Variants in COMMD10 observed in about 807,000 individuals in gnomAD.
The protein encoded by COMMD10 is COMM domain-containing protein 10.
In COMMD10, 33 loss-of-function variants were observed where a neutral mutation model predicts 28.9. That is an observed-to-expected ratio of 1.14 (90% CI 0.87 to 1.53). The LOEUF (loss-of-function observed/expected upper bound fraction) is 1.53. Ranked by LOEUF, COMMD10 falls within the 40% of genes most tolerant of loss-of-function variation. The probability of loss-of-function intolerance (pLI) is 0.00; values close to 1 mark genes in which losing one functional copy is unlikely to be tolerated. For missense variants in COMMD10, 310 were observed against 233.4 expected, an observed-to-expected ratio of 1.33 and a Z score of -2.14; for synonymous variants, 110 against 81.7, an observed-to-expected ratio of 1.35 and a Z score of -1.87.
At chr5:116,275,709 CAAAGT>C (rs1750891501) in intron 5 of COMMD10, among the ~76,000 whole-genome samples, 1 of 151,450 alleles carries the variant, frequency 6.6e-6, no homozygotes, top group South Asian at 2.1e-4. Context: ...AATTTGCACT[CAAAGT>C]AAGTATATAA....
intron 5 of COMMD10, among the ~76,000 whole-genome samples, chr5:116,172,903 A>G (rs944329105): frequency 2.0e-5 from 3 of 152,174 alleles, no homozygotes; most frequent in South Asian, 4.1e-4. Context: ...AGAATTGACA[A>G]TATGAGAGGA....
intron 4 of COMMD10, among the ~76,000 whole-genome samples, chr5:116,125,656 G>T (rs1013387704): frequency 6.6e-6 from 1 of 152,094 alleles, no homozygotes; most frequent in African/African-American, 2.4e-5. Flanking sequence ...TTCCAACTTG[G>T]TTCCATTCTC....
At chr5:116,227,943 T>C (rs1749439389) in intron 5 of COMMD10, among the ~76,000 whole-genome samples, 1 of 152,006 alleles carries the variant, frequency 6.6e-6, no homozygotes, top group East Asian at 1.9e-4. Context: ...CCAAACTAGG[T>C]CATGTTATAA....
At chr5:116,155,997 A>G (rs201174234) in intron 5 of COMMD10, among the ~76,000 whole-genome samples, 1 of 152,054 alleles carries the variant, frequency 6.6e-6, no homozygotes, top group East Asian at 1.9e-4. Flanking sequence ...CTAGCTGAGG[A>G]TTACTATTTG....
chr5:116,153,202 T>C (rs1014285840), intron 5 of COMMD10, among the ~76,000 whole-genome samples: 3 of 152,092 alleles, frequency 2.0e-5, no homozygotes, highest in Non-Finnish European at 4.4e-5. Context: ...CAGGATAAGT[T>C]TAAAAATACA....
chr5:116,225,848 A>G (rs1749382101), intron 5 of COMMD10, among the ~76,000 whole-genome samples: 2 of 151,596 alleles, frequency 1.3e-5, no homozygotes, highest in African/African-American at 4.9e-5. Flanking sequence ...ACTAGGCTTC[A>G]TAGGCCTCCC....
chr5:116,089,363 C>G (rs1750223436), intron 2 of COMMD10, among the ~76,000 whole-genome samples: 1 of 152,176 alleles, frequency 6.6e-6, no homozygotes, highest in Non-Finnish European at 1.5e-5. Context: ...CCTTATTACA[C>G]GAAACCTCAG....
At chr5:116,148,344 CCT>C (rs1439291302) in intron 5 of COMMD10, among the ~76,000 whole-genome samples, 1 of 151,804 alleles carries the variant, frequency 6.6e-6, no homozygotes, top group Admixed American at 6.6e-5. Context: ...TCCCTTTCTT[CCT>C]CTCTTTCTCT....
At chr5:116,155,478 C>A (rs1412432237) in intron 5 of COMMD10, among the ~76,000 whole-genome samples, 1 of 151,948 alleles carries the variant, frequency 6.6e-6, no homozygotes, top group African/African-American at 2.4e-5. Flanking sequence ...ATAAAAGATT[C>A]TTAAATATAT....
At chr5:116,241,584 T>TTATG (rs1187690104) in intron 5 of COMMD10, among the ~76,000 whole-genome samples, 12 of 4,212 alleles carry the variant, frequency 2.8e-3, no homozygotes, top group African/African-American at 6.3e-3. Context: ...CTCTGCTTTC[T>TTATG]TATTTATTTA....
At chr5:116,149,076 C>A (rs886801620) in intron 5 of COMMD10, among the ~76,000 whole-genome samples, 1 of 145,038 alleles carries the variant, frequency 6.9e-6, no homozygotes, top group East Asian at 2.1e-4. Context: ...TGTTCAATTC[C>A]CACCTATGAC....
At chr5:116,276,995 T>C (rs548571636) in intron 5 of COMMD10, among the ~76,000 whole-genome samples, 1 of 151,852 alleles carries the variant, frequency 6.6e-6, no homozygotes, top group Non-Finnish European at 1.5e-5. Flanking sequence ...CTAAAAACCA[T>C]TGAATTATGC....
intron 5 of COMMD10, among the ~76,000 whole-genome samples, chr5:116,198,886 T>C (rs1580541994): frequency 1.3e-5 from 2 of 152,170 alleles, no homozygotes; most frequent in South Asian, 4.1e-4. Flanking sequence ...TGCTTTCCAG[T>C]TTTGCTAAGT....
intron 5 of COMMD10, among the ~76,000 whole-genome samples, chr5:116,144,168 T>A (rs1338234923): frequency 1.3e-5 from 2 of 151,844 alleles, no homozygotes; most frequent in African/African-American, 4.8e-5. Context: ...ATAATTTCAG[T>A]CATGAGAATG....
intron 5 of COMMD10, among the ~76,000 whole-genome samples, chr5:116,159,061 C>G (rs1304839638): frequency 6.6e-6 from 1 of 152,254 alleles, no homozygotes; most frequent in East Asian, 1.9e-4. Context: ...CCTCTAGTCT[C>G]TCTGCTTCCA....
intron 5 of COMMD10, among the ~76,000 whole-genome samples, chr5:116,214,722 C>T (rs1160512950): frequency 6.6e-6 from 1 of 152,046 alleles, no homozygotes; most frequent in Non-Finnish European, 1.5e-5. Context: ...ATTATGGCCT[C>T]AATTTTGGGA....
chr5:116,111,270 G>C (rs1055116904), intron 4 of COMMD10, among the ~76,000 whole-genome samples: 2 of 151,560 alleles, frequency 1.3e-5, no homozygotes, highest in Non-Finnish European at 2.9e-5. Flanking sequence ...GTTTTATTTA[G>C]TTTTGCTCTG....
At chr5:116,185,556 G>C (rs1335472756) in intron 5 of COMMD10, among the ~76,000 whole-genome samples, 2 of 152,020 alleles carry the variant, frequency 1.3e-5, no homozygotes, top group Non-Finnish European at 2.9e-5. Context: ...GTGGGAGTTA[G>C]GGTGGGGAAG....
At chr5:116,183,922 G>C (rs1236421061) in intron 5 of COMMD10, among the ~76,000 whole-genome samples, 2 of 152,108 alleles carry the variant, frequency 1.3e-5, no homozygotes, top group Non-Finnish European at 2.9e-5. Context: ...ATGCACTGCA[G>C]AGCATACTGG....
Sources: gnomAD v4.1 joint callset for allele counts (sites outside exome capture counted in the v4.1 genomes callset) on GRCh38, gnomAD v4.1.1 for gene constraint, MANE v1.5 for transcripts, NCBI Gene and HGNC (gene_info 2026-07-23, HGNC 2026-07-21) for gene names.